The following SIN3B variants were observed in gnomAD, a reference collection of about 807,000 sequenced individuals.
The protein encoded by SIN3B is paired amphipathic helix protein Sin3b.
A neutral mutation model predicts 120.2 loss-of-function variants in SIN3B; 19 were observed. The ratio of observed to expected loss-of-function variants is 0.16; its 90% CI spans 0.11 to 0.23. The LOEUF is 0.23. Among genes scored for constraint, SIN3B ranks in the 10% least tolerant of loss-of-function variants. The pLI, the probability that SIN3B is intolerant of heterozygous loss-of-function variation, is 1.00. For missense variants in SIN3B, 1,073 were observed against 1,573.0 expected, an observed-to-expected ratio of 0.68 and a Z score of 5.38; for synonymous variants, 654 against 653.2, an observed-to-expected ratio of 1.00 and a Z score of -0.02.
In SIN3B at chr19:16,876,842, AC is replaced by A; in HGVS notation, c.2859+266del. 2.5e-6 allele frequency: 1 copy of A among 401,552 alleles called. No homozygotes were observed. The highest frequency in any genetic ancestry group is 4.3e-5 in the East Asian group (1 of 23,310). 24.9% of individuals were successfully genotyped at this position (401,552 alleles called of 1,614,324 possible). A position where few individuals can be genotyped will look rare whatever the true frequency, so the allele number is the denominator to read the frequency against. The stretch of plus-strand genomic sequence containing the variant: ...CCCAGGGCAGGAGGGGAACCAAGCC[AC>A]CTCTCCCTGGCCCCCGACTCCCACT... On this transcript the variant is annotated intron_variant, in intron 16 of 18. Transcript: ENST00000248054. This position sits in a 1 kb window ranked among gnomAD's most constrained non-coding sequence, Gnocchi z 7.1.
At chr19:16,858,002 G>T (rs558721936) in intron 8 of SIN3B, among the ~76,000 whole-genome samples, 2 of 151,952 alleles carry the variant, frequency 1.3e-5, no homozygotes, top group South Asian at 2.1e-4. Flanking sequence ...TCAGCCTCTC[G>T]AGTAGCTGGG....
intron 8 of SIN3B, 28 bp downstream of exon 8, chr19:16,854,289 T>TGGGAAGTC: frequency 6.8e-7 from 1 of 1,479,204 alleles, no homozygotes; most frequent in Non-Finnish European, 9.4e-7. Context: ...CAGGGCTCCC[T>TGGGAAGTC]AGGGGGGTTC....
rs1381098455 is a variant in SIN3B at position 16,862,631 on chromosome 19, A to G, written c.1266+72A>G. ...CACCCCTCCCCAGCAAACACCCGATACCCCCGTTATGAATGAAATGCTGTG... is the reference window on the plus strand; with the variant it reads ...CACCCCTCCCCAGCAAACACCCGATGCCCCCGTTATGAATGAAATGCTGTG... On this transcript the variant is annotated intron_variant, in intron 9 of 18. Transcript: ENST00000248054. This position sits in a 1 kb window ranked among gnomAD's most constrained non-coding sequence, Gnocchi z 4.7. 1.5e-6 allele frequency: 2 copies of G among 1,359,822 alleles called. No individual in the cohort carries two copies. Among genetic ancestry groups the G allele is most frequent in the South Asian group, 1.2e-5 (1 of 84,318 alleles). 84.2% of individuals were successfully genotyped at this position (1,359,822 alleles called of 1,614,324 possible). A position where few individuals can be genotyped will look rare whatever the true frequency, so the allele number is the denominator to read the frequency against.
chr19:16,867,226 C>T (rs575909291), intron 12 of SIN3B, among the ~76,000 whole-genome samples: 50 of 152,350 alleles, frequency 3.3e-4, no homozygotes, highest in African/African-American at 1.1e-3. Flanking sequence ...CTGAACCTGA[C>T]TCTGCTGCGG....
At chr19:16,857,553 G>GTGTGTGTGTGTA (rs66778532) in intron 8 of SIN3B, among the ~76,000 whole-genome samples, 9,157 of 139,284 alleles carry the variant, frequency 0.066, 364 homozygotes, top group Non-Finnish European at 0.076. Context: ...GTGTGTGTGT[G>GTGTGTGTGTGTA]TATATATACA....
intron 3 of SIN3B, among the ~76,000 whole-genome samples, chr19:16,840,065 C>T (rs1261103066): frequency 2.6e-5 from 4 of 152,106 alleles, no homozygotes; most frequent in Non-Finnish European, 4.4e-5. Flanking sequence ...GGCTGCTCTG[C>T]GTCTTGTATT....
At chr19:16,839,635 C>T (rs1421930108) in intron 3 of SIN3B, among the ~76,000 whole-genome samples, 1 of 152,170 alleles carries the variant, frequency 6.6e-6, no homozygotes, top group Non-Finnish European at 1.5e-5. Context: ...CCCCTTCTGC[C>T]ATCAAACCTG....
chr19:16,839,652 A>G (rs1239065994), intron 3 of SIN3B, among the ~76,000 whole-genome samples: 2 of 152,096 alleles, frequency 1.3e-5, no homozygotes, highest in African/African-American at 2.4e-5. Context: ...CCTGTGCACC[A>G]TGGAGAAACA....
chr19:16,862,645 T>A lies in SIN3B; in HGVS notation c.1266+86T>A. On this transcript the variant is annotated intron_variant, in intron 9 of 18. Coordinates refer to ENST00000248054, the MANE Select transcript of SIN3B (RefSeq NM_001297595.2). This position sits in a 1 kb window ranked among gnomAD's most constrained non-coding sequence, Gnocchi z 4.7. ...AAACACCCGATACCCCCGTTATGAA[T>A]GAAATGCTGTGTGCTCAGCCCTCCT... The A allele has an allele frequency of 1.5e-6, 2 of 1,314,466 alleles. No individual in the cohort carries two copies. The highest frequency in any genetic ancestry group is 2.2e-6 in the Non-Finnish European group (2 of 927,652). 81.4% of individuals were successfully genotyped at this position (1,314,466 alleles called of 1,614,324 possible).
At chr19:16,836,000 C>T (rs10425195) in intron 3 of SIN3B, among the ~76,000 whole-genome samples, 1 of 152,116 alleles carries the variant, frequency 6.6e-6, no homozygotes, top group Non-Finnish European at 1.5e-5. Flanking sequence ...TTTTCCCCCC[C>T]CAATTTTATC....
At chr19:16,830,001 C>T (rs1971259310) in intron 2 of SIN3B, 104 bp downstream of exon 2, 2 of 748,652 alleles carry the variant, frequency 2.7e-6, no homozygotes, top group Non-Finnish European at 4.7e-6. Flanking sequence ...AGCCGGGTGA[C>T]CTTGCGCAGG....
chr19:16,831,347 G>C, intron 2 of SIN3B, 147 bp from the exon 3 acceptor site: 1 of 764,312 alleles, frequency 1.3e-6, no homozygotes, highest in Non-Finnish European at 2.1e-6. Context: ...ACAGGCATGA[G>C]CCACTGCGCC....
At chr19:16,839,950 G>A (rs898890390) in intron 3 of SIN3B, among the ~76,000 whole-genome samples, 2 of 152,138 alleles carry the variant, frequency 1.3e-5, no homozygotes, top group African/African-American at 4.8e-5. Context: ...GTTGCAGTGA[G>A]CCGGGATCAT....
intron 12 of SIN3B, among the ~76,000 whole-genome samples, chr19:16,868,068 C>T (rs1971802603): frequency 6.6e-6 from 1 of 152,172 alleles, no homozygotes; most frequent in Non-Finnish European, 1.5e-5. Context: ...AAAGTCAGAA[C>T]CCCATTCCAT....
chr19:16,832,689 G>A (rs552411050), intron 3 of SIN3B, among the ~76,000 whole-genome samples: 104 of 151,584 alleles, frequency 6.9e-4, no homozygotes, highest in African/African-American at 2.4e-3. Flanking sequence ...TTTTTGTAGC[G>A]ACAGGGTCTC....
At chr19:16,867,948 C>T (rs1443201385) in intron 12 of SIN3B, among the ~76,000 whole-genome samples, 1 of 152,216 alleles carries the variant, frequency 6.6e-6, no homozygotes, top group Admixed American at 6.5e-5. Context: ...TGGAAATCCA[C>T]CAATGCGACC....
At chr19:16,859,921 A>G (rs1485080281) in intron 8 of SIN3B, among the ~76,000 whole-genome samples, 1 of 152,276 alleles carries the variant, frequency 6.6e-6, no homozygotes, top group Admixed American at 6.5e-5. Context: ...CTACTAGCCA[A>G]GCGAGCCTCA....
chr19:16,832,679 T>A (rs1030412410), intron 3 of SIN3B, among the ~76,000 whole-genome samples: 1 of 151,964 alleles, frequency 6.6e-6, no homozygotes, highest in Non-Finnish European at 1.5e-5. Context: ...TTATTTATTT[T>A]TTTTGTAGCG....
Position 16,862,889 on chromosome 19 carries a change from C to A in SIN3B, c.1266+330C>A. On this transcript the variant is annotated intron_variant, in intron 9 of 18. Transcript: ENST00000248054. The surrounding 1 kb of genome is among the most constrained non-coding windows in gnomAD (Gnocchi z 4.7). ...CTCAGTGTGTTTCTGTTTAGCTTGA[C>A]CATTGGACACTTCTCCAGGGTTCGT... 2.5e-6 allele frequency: 4 copies of A among 1,613,584 alleles called. No individual in the cohort carries two copies. Among genetic ancestry groups the A allele is most frequent in the Non-Finnish European group, 3.4e-6 (4 of 1,179,468 alleles).
Sources: gnomAD v4.1 joint callset for allele counts (sites outside exome capture counted in the v4.1 genomes callset) on GRCh38, gnomAD v4.1.1 for gene constraint, Gnocchi (gnomAD v3.1) non-coding constraint, MANE v1.5 for transcripts, NCBI Gene and HGNC (gene_info 2026-07-23, HGNC 2026-07-21) for gene names.